Variants in CNBD1 observed in about 807,000 individuals in gnomAD.
CNBD1 encodes cyclic nucleotide binding domain containing 1, also known as cyclic nucleotide-binding domain-containing protein 1.
A neutral mutation model predicts 54.4 loss-of-function variants in CNBD1; 71 were observed. The ratio of observed to expected loss-of-function variants is 1.30; its 90% CI spans 1.08 to 1.59. CNBD1 has a LOEUF of 1.59. CNBD1 is among the 40% of genes most tolerant of loss of function. CNBD1 has a pLI of 0.00. For synonymous variants in CNBD1, 182 were observed against 170.7 expected (o/e 1.07, Z -0.51); for missense variants, 659 against 518.0 (o/e 1.27, Z -2.64).
chr8:87,392,013 C>A (rs1811319099), intron 2 of CNBD1, among the ~76,000 whole-genome samples: 4 of 151,948 alleles, frequency 2.6e-5, no homozygotes, highest in South Asian at 2.1e-4. Context: ...CAGGAATGGG[C>A]CTTTCTCTAA....
At chr8:87,330,876 G>A (rs1183338215) in intron 8 of CNBD1, among the ~76,000 whole-genome samples, 1 of 152,064 alleles carries the variant, frequency 6.6e-6, no homozygotes, top group Non-Finnish European at 1.5e-5. Flanking sequence ...GTACATAATA[G>A]ATTAATATTA....
In CNBD1 at chr8:86,995,321, G is replaced by A. The variant is rs376132402; in HGVS notation, c.431+55567G>A. 5.3e-5 allele frequency among the ~76,000 whole-genome samples: 8 copies of A among 152,334 alleles called. No homozygotes were observed. In the East Asian group the frequency reaches 9.6e-4, roughly 18 times the overall value. On this transcript the variant is annotated intron_variant, in intron 4 of 10. Transcript: ENST00000518476. ...TAATTTAAACGTTAAGATAGTAAAT[G>A]TCTGTTGCAACTACTCGATTCTGCA... is the stretch of plus-strand genomic sequence containing the variant.
intron 6 of CNBD1, among the ~76,000 whole-genome samples, chr8:87,270,923 C>G (rs1808349930): frequency 6.6e-6 from 1 of 151,528 alleles, no homozygotes; most frequent in Admixed American, 6.6e-5. Flanking sequence ...TGATGGAGGA[C>G]TTTTTATTAT....
intron 4 of CNBD1, among the ~76,000 whole-genome samples, chr8:86,973,348 A>G (rs1417325814): frequency 2.0e-5 from 3 of 152,244 alleles, no homozygotes; most frequent in Non-Finnish European, 4.4e-5. Context: ...ATGGAATTTT[A>G]TATAGAATTT....
At chr8:86,877,349 A>G (rs1349537958) in intron 1 of CNBD1, among the ~76,000 whole-genome samples, 1 of 152,058 alleles carries the variant, frequency 6.6e-6, no homozygotes, top group Non-Finnish European at 1.5e-5. Flanking sequence ...TTTGCATCCT[A>G]TTTAAGTCTT....
At chr8:87,197,703 A>T (rs1813750817) in intron 4 of CNBD1, among the ~76,000 whole-genome samples, 2 of 152,212 alleles carry the variant, frequency 1.3e-5, no homozygotes, top group African/African-American at 4.8e-5. Flanking sequence ...ATATAAAATA[A>T]TATTTTTTAT....
chr8:87,125,288 T>C (rs980403835), intron 4 of CNBD1, among the ~76,000 whole-genome samples: 1 of 151,728 alleles, frequency 6.6e-6, no homozygotes, highest in Non-Finnish European at 1.5e-5. Context: ...AAAAAATCAA[T>C]ATTAAATTTG....
chr8:87,128,974 C>T (rs1005914384), intron 4 of CNBD1, among the ~76,000 whole-genome samples: 2 of 144,676 alleles, frequency 1.4e-5, no homozygotes, highest in African/African-American at 2.6e-5. Context: ...GTAGTCCCAG[C>T]TACTCAGGAG....
At chr8:87,283,074 C>A (rs1352051809) in intron 6 of CNBD1, among the ~76,000 whole-genome samples, 3 of 152,054 alleles carry the variant, frequency 2.0e-5, no homozygotes, top group Non-Finnish European at 4.4e-5. Context: ...TGGTCTCCAT[C>A]TATCTTCTGT....
At chr8:87,308,193 G>T (rs969587135) in intron 8 of CNBD1, among the ~76,000 whole-genome samples, 1 of 152,120 alleles carries the variant, frequency 6.6e-6, no homozygotes, top group Non-Finnish European at 1.5e-5. Context: ...ATTTACTTGG[G>T]CCAGGGGATG....
intron 4 of CNBD1, among the ~76,000 whole-genome samples, chr8:87,130,271 T>G (rs143535533): frequency 6.6e-6 from 1 of 152,314 alleles, no homozygotes; most frequent in Non-Finnish European, 1.5e-5. Flanking sequence ...AGCACATATT[T>G]TGTGCAATTC....
chr8:86,958,947 T>C (rs919285264), intron 4 of CNBD1, among the ~76,000 whole-genome samples: 1 of 152,194 alleles, frequency 6.6e-6, no homozygotes, highest in Non-Finnish European at 1.5e-5. Flanking sequence ...CTAGTGTCAA[T>C]GGTCTTTACA....
chr8:87,289,519 T>C (rs1808750533), intron 8 of CNBD1, among the ~76,000 whole-genome samples: 1 of 152,270 alleles, frequency 6.6e-6, no homozygotes, highest in South Asian at 2.1e-4. Flanking sequence ...AATGGTAAAC[T>C]GACTTGGCAA....
intron 4 of CNBD1, among the ~76,000 whole-genome samples, chr8:87,082,570 G>T (rs1563461389): frequency 6.6e-6 from 1 of 151,956 alleles, no homozygotes; most frequent in African/African-American, 2.4e-5. Flanking sequence ...GAATGGTATA[G>T]TTTTTTTCTT....
At chr8:87,282,922 C>T (rs914085351) in intron 6 of CNBD1, among the ~76,000 whole-genome samples, 20 of 152,026 alleles carry the variant, frequency 1.3e-4, no homozygotes, top group Admixed American at 9.2e-4. Flanking sequence ...AAAGCAAATG[C>T]ATCTTTCAGT....
intron 8 of CNBD1, among the ~76,000 whole-genome samples, chr8:87,295,632 CTCTTTCTACT>C (rs1423906427): frequency 1.3e-5 from 2 of 151,988 alleles, no homozygotes; most frequent in African/African-American, 2.4e-5. Flanking sequence ...TTTTCTCTAC[CTCTTTCTACT>C]TCTCACAAAT....
chr8:87,396,401 A>G (rs1357585215), intron 2 of CNBD1, among the ~76,000 whole-genome samples: 1 of 151,918 alleles, frequency 6.6e-6, no homozygotes, highest in African/African-American at 2.4e-5. Context: ...TGAAATCTAC[A>G]TGCCTAACTT....
At chr8:87,115,000 G>A (rs911960722) in intron 4 of CNBD1, among the ~76,000 whole-genome samples, 3 of 152,086 alleles carry the variant, frequency 2.0e-5, no homozygotes, top group African/African-American at 7.2e-5. Flanking sequence ...GGCTAATATG[G>A]TACCACAGAA....
At chr8:86,913,363 G>A (rs1006741781) in intron 3 of CNBD1, among the ~76,000 whole-genome samples, 1 of 151,228 alleles carries the variant, frequency 6.6e-6, no homozygotes, top group Middle Eastern at 3.2e-3. Flanking sequence ...GTTTAGATAT[G>A]CTTAGATACG....
Sources: allele counts gnomAD v4.1 joint callset (sites outside exome capture counted in the v4.1 genomes callset), GRCh38; gene constraint gnomAD v4.1.1; transcripts MANE v1.5; gene names NCBI Gene and HGNC (gene_info 2026-07-23, HGNC 2026-07-21).